Variants in CACNA1B observed in about 807,000 individuals in gnomAD.
The protein encoded by CACNA1B is calcium voltage-gated channel subunit alpha1 B.
Under a neutral mutation model 247.2 loss-of-function variants are expected in CACNA1B, and 70 were observed. That is an observed-to-expected ratio of 0.28 (90% CI 0.23 to 0.35). The LOEUF (loss-of-function observed/expected upper bound fraction) is 0.35, where lower values mean the gene tolerates loss of function less well. Ranked by LOEUF, CACNA1B falls within the 10% of genes least tolerant of loss-of-function variation. CACNA1B has a pLI of 1.00. For missense variants in CACNA1B, 2,367 were observed against 3,197.4 expected, an observed-to-expected ratio of 0.74 and a Z score of 6.26; for synonymous variants, 1,231 against 1,294.4, an observed-to-expected ratio of 0.95 and a Z score of 1.05.
At chr9:137,918,020 C>T (rs913416187) in intron 6 of CACNA1B, among the ~76,000 whole-genome samples, 1 of 152,246 alleles carries the variant, frequency 6.6e-6, no homozygotes, top group African/African-American at 2.4e-5. Context: ...CCGAGGCCCC[C>T]AAGACCTTCC....
At chr9:138,089,563 T>G (rs959783882) in intron 36 of CACNA1B, among the ~76,000 whole-genome samples, 1 of 152,040 alleles carries the variant, frequency 6.6e-6, no homozygotes, top group African/African-American at 2.4e-5. Context: ...AACATCATAC[T>G]GAATGGGGAA....
intron 3 of CACNA1B, among the ~76,000 whole-genome samples, chr9:137,904,336 TTCTC>T (rs1263098926): frequency 1.3e-4 from 19 of 150,210 alleles, no homozygotes; most frequent in Non-Finnish European, 2.4e-4. Context: ...ATTTTACTAT[TTCTC>T]TCTCTCTCTC....
intron 34 of CACNA1B, among the ~76,000 whole-genome samples, chr9:138,074,783 G>A (rs1021551474): frequency 6.6e-6 from 1 of 152,222 alleles, no homozygotes; most frequent in Non-Finnish European, 1.5e-5. Flanking sequence ...GCGCGTTGGA[G>A]CACAGCTGTG....
intron 36 of CACNA1B, among the ~76,000 whole-genome samples, chr9:138,089,373 C>A (rs1041188991): frequency 2.0e-5 from 3 of 152,028 alleles, no homozygotes; most frequent in African/African-American, 7.2e-5. Context: ...CATAAGTAAA[C>A]CAGTAATCAA....
intron 36 of CACNA1B, among the ~76,000 whole-genome samples, chr9:138,094,096 G>T (rs146475323): frequency 2.6e-5 from 4 of 152,178 alleles, no homozygotes; most frequent in African/African-American, 4.8e-5. Flanking sequence ...CCTTAAAAAG[G>T]AAGAGCGTTC....
At chr9:138,031,093 T>A (rs1050576433) in intron 20 of CACNA1B, among the ~76,000 whole-genome samples, 5 of 152,326 alleles carry the variant, frequency 3.3e-5, no homozygotes, top group Non-Finnish European at 7.4e-5. Flanking sequence ...GCTTTGGGCT[T>A]CTTTTGCTCT....
Position 138,020,631 on chromosome 9 carries a change from C to T in CACNA1B, c.2268-2380C>T, listed in dbSNP as rs113783840. 9.3e-3 allele frequency among the ~76,000 whole-genome samples: 1,414 copies of T among 152,216 alleles called. 8 individuals carry two copies. The highest frequency in any genetic ancestry group is 0.018 in the South Asian group (88 of 4,810). On this transcript the variant is annotated intron_variant, in intron 18 of 46. Transcript: ENST00000371372. The surrounding 1 kb of genome is among the most constrained non-coding windows in gnomAD (Gnocchi z 4.1). The stretch of plus-strand genomic sequence containing the variant: ...TAGGGCTGACAGTGGCAGATAGGCC[C>T]GGAAGGAACAGGCCAGGTGGAACCA...
At chr9:138,105,374 A>G (rs1399952419) in intron 38 of CACNA1B, among the ~76,000 whole-genome samples, 1 of 152,046 alleles carries the variant, frequency 6.6e-6, no homozygotes, top group Admixed American at 6.5e-5. Context: ...CCAAGGCTAC[A>G]CTCCTACATT....
intron 18 of CACNA1B, chr9:138,017,316 G>C: frequency 2.2e-6 from 1 of 451,830 alleles, no homozygotes; most frequent in Non-Finnish European, 4.5e-6. Flanking sequence ...TCATGGGGCA[G>C]CTCCAGGCCG....
intron 36 of CACNA1B, among the ~76,000 whole-genome samples, chr9:138,084,062 A>T (rs1470096619): frequency 1.3e-5 from 2 of 149,704 alleles, no homozygotes; most frequent in African/African-American, 5.0e-5. Context: ...CCCTGCCCCC[A>T]CCCCGCCCAG....
At chr9:137,949,629 C>T (rs1957855883) in intron 6 of CACNA1B, among the ~76,000 whole-genome samples, 1 of 152,036 alleles carries the variant, frequency 6.6e-6, no homozygotes, top group Non-Finnish European at 1.5e-5. Flanking sequence ...GCCTGGCGGG[C>T]TTGTGTGCTG....
intron 3 of CACNA1B, among the ~76,000 whole-genome samples, chr9:137,896,331 C>T (rs1957172438): frequency 6.6e-6 from 1 of 151,456 alleles, no homozygotes; most frequent in African/African-American, 2.4e-5. Context: ...GTTTTCCAGG[C>T]ACTATTATAG....
Position 137,986,326 on chromosome 9 carries a change from C to A in CACNA1B, c.1770-87C>A. On this transcript the variant is annotated intron_variant, in intron 13 of 46. Coordinates refer to ENST00000371372, the MANE Select transcript of CACNA1B (RefSeq NM_000718.4). This position sits in a 1 kb window ranked among gnomAD's most constrained non-coding sequence, Gnocchi z 6.0. ...GTGCAGCCCTCAGGGTTTAGAAAGTCAGTGGAGCCTTAAGTGTGGCTGCAG... is the reference window on the plus strand; with the variant it reads ...GTGCAGCCCTCAGGGTTTAGAAAGTAAGTGGAGCCTTAAGTGTGGCTGCAG... 6.9e-7 allele frequency: 1 copy of A among 1,456,272 alleles called. No homozygotes were observed. The highest frequency in any genetic ancestry group is 1.2e-5 in the South Asian group (1 of 80,550). 90.2% of individuals were successfully genotyped at this position (1,456,272 alleles called of 1,614,324 possible).
chr9:137,924,299 G>GCCTTCCTT lies in CACNA1B; in HGVS notation c.966+6878_966+6885dup, dbSNP rs200024742. Among the ~76,000 whole-genome samples, 1,393 of 150,152 alleles carry GCCTTCCTT rather than the reference G, an allele frequency of 9.3e-3. 8 individuals carry two copies. The highest frequency in any genetic ancestry group is 0.011 in the Non-Finnish European group (738 of 67,580). ...AAAAGTGTGAGGTTTTTGCCTGCCTGCCTTCCTTCCTTCCTTCTTTCCTTC... is the reference window on the plus strand; with the variant it reads ...AAAAGTGTGAGGTTTTTGCCTGCCTGCCTTCCTTCCTTCCTTCCTTCCTTCTTTCCTTC... On this transcript the variant is annotated intron_variant, in intron 6 of 46. Transcript: ENST00000371372.
chr9:137,938,647 A>T (rs544935271), intron 6 of CACNA1B, among the ~76,000 whole-genome samples: 1 of 152,354 alleles, frequency 6.6e-6, no homozygotes, highest in South Asian at 2.1e-4. Flanking sequence ...AACAACAGTT[A>T]AAAAAGACAA....
At chr9:138,085,886 A>G (rs1960677394) in intron 36 of CACNA1B, among the ~76,000 whole-genome samples, 1 of 151,396 alleles carries the variant, frequency 6.6e-6, no homozygotes, top group Admixed American at 6.6e-5. Flanking sequence ...CAGCCTTACA[A>G]GAAATACACA....
chr9:138,105,970 T>C (rs1961410781), intron 39 of CACNA1B, among the ~76,000 whole-genome samples, 163 bp downstream of exon 39: 1 of 152,162 alleles, frequency 6.6e-6, no homozygotes, highest in Non-Finnish European at 1.5e-5. Context: ...GGGCACTGGC[T>C]TTTTCGCCTG....
chr9:137,913,176 C>T lies in CACNA1B; in HGVS notation c.531-4C>T, dbSNP rs1357253050. On this transcript the variant is annotated splice_polypyrimidine_tract_variant and splice_region_variant and intron_variant, in intron 3 of 46. Coordinates refer to ENST00000371372, the MANE Select transcript of CACNA1B (RefSeq NM_000718.4). This position sits in a 1 kb window ranked among gnomAD's most constrained non-coding sequence, Gnocchi z 5.2. ...ACTTCCCTTCTTCTCCTTGTTTCTG[C>T]CAGGATCCTTGCCACGGCTGGAACT... 1.2e-6 allele frequency: 2 copies of T among 1,613,060 alleles called. No homozygotes were observed. The highest frequency in any genetic ancestry group is 2.2e-5 in the East Asian group (1 of 44,866).
rs1403083267 is a variant in CACNA1B at position 137,885,898 on chromosome 9, C to A, written c.530+3015C>A. Among the ~76,000 whole-genome samples the A allele has an allele frequency of 2.7e-5, 4 of 148,118 alleles. 1 individual carries two copies. Among genetic ancestry groups the A allele is most frequent in the Non-Finnish European group, 6.0e-5 (4 of 67,064 alleles). ...ACCCTAGGCCTGTGAGGGCTGCTGG[C>A]AGCTTCCTGCTCTTGTGTGTGCCCA... On this transcript the variant is annotated intron_variant, in intron 3 of 46. Transcript: ENST00000371372.
Sources: allele counts gnomAD v4.1 joint callset (sites outside exome capture counted in the v4.1 genomes callset), GRCh38; gene constraint gnomAD v4.1.1; non-coding constraint Gnocchi (gnomAD v3.1); transcripts MANE v1.5; gene names NCBI Gene and HGNC (gene_info 2026-07-23, HGNC 2026-07-21).